The following RGS22 variants were observed in gnomAD, a reference collection of about 807,000 sequenced individuals.
The protein encoded by RGS22 is regulator of G protein signaling 22, also known as regulator of G-protein signaling 22.
In RGS22, 148 loss-of-function variants were observed where a neutral mutation model predicts 172.9. That is an observed-to-expected ratio of 0.86 (90% CI 0.75 to 0.98). The LOEUF is 0.98. Among genes scored for constraint, RGS22 ranks in the 50% least tolerant of loss-of-function variants. The probability of loss-of-function intolerance (pLI) is 0.00; values close to 1 mark genes in which losing one functional copy is unlikely to be tolerated. For missense variants in RGS22, 1,347 were observed against 1,440.8 expected, an observed-to-expected ratio of 0.93 and a Z score of 1.05; for synonymous variants, 458 against 480.2, an observed-to-expected ratio of 0.95 and a Z score of 0.60.
At chr8:99,999,237 C>T in intron 19 of RGS22, 25 bp downstream of exon 19, 1 of 1,602,178 alleles carries the variant, frequency 6.2e-7, no homozygotes, top group Non-Finnish European at 8.5e-7. Flanking sequence ...CAACTGCTAT[C>T]AAAAGATTAT....
intron 16 of RGS22, chr8:100,004,575 A>C (rs1815476806): frequency 6.5e-6 from 1 of 152,702 alleles, no homozygotes; most frequent in South Asian, 2.0e-4. Context: ...ATAAAAAGTG[A>C]AGATTAGATA....
intron 17 of RGS22, 50 bp downstream of exon 17, chr8:100,003,876 G>T: frequency 7.1e-7 from 1 of 1,417,980 alleles, no homozygotes; most frequent in Middle Eastern, 2.0e-4. Flanking sequence ...ATCAAAAATA[G>T]TAGCTTAGAA....
intron 14 of RGS22, among the ~76,000 whole-genome samples, chr8:100,032,231 T>TAA (rs1449389991): frequency 6.6e-6 from 1 of 151,628 alleles, no homozygotes; most frequent in Non-Finnish European, 1.5e-5. Flanking sequence ...GCAAATTGGA[T>TAA]AGAGTCAAGA....
chr8:100,048,716 C>T (rs1405679907), intron 10 of RGS22, among the ~76,000 whole-genome samples: 1 of 152,032 alleles, frequency 6.6e-6, no homozygotes, highest in African/African-American at 2.4e-5. Flanking sequence ...CATTAAACAA[C>T]ACTCTATAAA....
At chr8:100,011,985 G>A (rs946175739) in intron 14 of RGS22, among the ~76,000 whole-genome samples, 3 of 151,960 alleles carry the variant, frequency 2.0e-5, no homozygotes, top group Non-Finnish European at 4.4e-5. Context: ...AAGAACCTGA[G>A]AAATAGAAGT....
rs771273414 is a variant in RGS22 at position 100,063,835 on chromosome 8, T to C, written c.933A>G (p.Thr311=). The C allele has an allele frequency of 1.2e-6, 2 of 1,610,358 alleles. No homozygotes were observed. Among genetic ancestry groups the C allele is most frequent in the African/African-American group, 1.3e-5 (1 of 74,748 alleles). Residue 311 remains threonine, a synonymous_variant, in exon 8 of 28, where the codon ACA becomes ACG. Coordinates refer to ENST00000360863, the MANE Select transcript of RGS22 (RefSeq NM_015668.5). ...TATAGGAGCTTAAAAATTCTTCACA[T>C]GTTGAGAAATGCATTGTCAGGCTTT... The part of the protein sequence containing the change: ...VDESLTMHFS[T]CEEFLSSYIY...
At chr8:100,051,439 T>A (rs1237939734) in intron 10 of RGS22, among the ~76,000 whole-genome samples, 1 of 101,852 alleles carries the variant, frequency 9.8e-6, no homozygotes, top group East Asian at 2.4e-4. Context: ...TATATTTATA[T>A]ATTTATTTAT....
At chr8:100,020,419 G>A (rs17391663) in intron 14 of RGS22, among the ~76,000 whole-genome samples, 14,701 of 152,274 alleles carry the variant, frequency 0.097, 912 homozygotes, top group South Asian at 0.2. Context: ...AGGACCTGGT[G>A]ATTCTGGAGG....
chr8:100,045,025 G>A (rs1820566651), intron 11 of RGS22, among the ~76,000 whole-genome samples: 1 of 152,002 alleles, frequency 6.6e-6, no homozygotes, highest in Admixed American at 6.5e-5. Flanking sequence ...GCTCATGCCT[G>A]TAATCCCAGC....
chr8:99,989,695 A>G (rs1389023694), intron 20 of RGS22, among the ~76,000 whole-genome samples: 1 of 152,156 alleles, frequency 6.6e-6, no homozygotes, highest in Non-Finnish European at 1.5e-5. Context: ...ATTGCAAAAA[A>G]TAAGCCAGGT....
intron 3 of RGS22, among the ~76,000 whole-genome samples, chr8:100,081,782 A>G (rs1811780814): frequency 6.6e-6 from 1 of 152,178 alleles, no homozygotes; most frequent in Admixed American, 6.5e-5. Context: ...TTGGTAGAGA[A>G]TGACATCAAA....
rs1328650297 is a variant in RGS22 at position 100,059,446 on chromosome 8, G to A, written c.1514+3145C>T. Among the ~76,000 whole-genome samples, 5 of 149,942 alleles carry A rather than the reference G, an allele frequency of 3.3e-5. No individual in the cohort carries two copies. In the East Asian group the frequency reaches 9.8e-4, roughly 29 times the overall value. ...TAAAAATAAAGGGATGGAAAAACAT[G>A]TTCCATGTCAATGGAAACAAAAAAA... is the stretch of plus-strand genomic sequence containing the variant. On this transcript the variant is annotated intron_variant, in intron 9 of 27. Transcript: ENST00000360863.
intron 2 of RGS22, 48 bp downstream of exon 2, chr8:100,105,326 T>C: frequency 1.4e-6 from 2 of 1,473,478 alleles, no homozygotes; most frequent in African/African-American, 2.8e-5. Flanking sequence ...ATATTTGCTA[T>C]TTTTTTAAAG....
chr8:100,058,140 A>C (rs960549740), intron 9 of RGS22, among the ~76,000 whole-genome samples: 2 of 151,222 alleles, frequency 1.3e-5, no homozygotes, highest in African/African-American at 4.9e-5. Flanking sequence ...GTGAGCTTGA[A>C]GACAGGCTAT....
intron 11 of RGS22, among the ~76,000 whole-genome samples, chr8:100,044,796 G>A (rs1586102276): frequency 6.6e-6 from 1 of 152,010 alleles, no homozygotes; most frequent in East Asian, 1.9e-4. Flanking sequence ...GAAGTGTAAT[G>A]CTTCCTCGAT....
In RGS22 at chr8:100,051,671, ATATGTT is replaced by A. The variant is rs541383347; in HGVS notation, c.1689+1125_1689+1130del. On this transcript the variant is annotated intron_variant, in intron 10 of 27. Coordinates refer to ENST00000360863, the MANE Select transcript of RGS22 (RefSeq NM_015668.5). ...TATACATATATAAATATATATTTAT[ATATGTT>A]TATACATATATATATTTATATATAC... is the stretch of plus-strand genomic sequence containing the variant. Among the ~76,000 whole-genome samples, 163 of 40,188 alleles carry A rather than the reference ATATGTT, an allele frequency of 4.1e-3. 43 individuals carry two copies. The highest frequency in any genetic ancestry group is 0.019 in the African/African-American group (157 of 8,468). The allele number at this position is 40,188 out of a possible 152,430, so 26.4% of individuals were successfully genotyped here. A position where few individuals can be genotyped will look rare whatever the true frequency, so the allele number is the denominator to read the frequency against.
intron 14 of RGS22, among the ~76,000 whole-genome samples, chr8:100,035,766 TA>T (rs1258790291): frequency 6.6e-6 from 1 of 152,188 alleles, no homozygotes; most frequent in Non-Finnish European, 1.5e-5. Context: ...CACCATGGAA[TA>T]CTATGCAGCC....
chr8:99,987,486 A>G lies in RGS22; in HGVS notation c.3152T>C (p.Leu1051Pro), dbSNP rs1211155546. 12 of 1,610,918 alleles carry G rather than the reference A, an allele frequency of 7.4e-6. No homozygotes were observed. Among genetic ancestry groups the G allele is most frequent in the Non-Finnish European group, 8.5e-6 (10 of 1,178,278 alleles). ...LKGDLLENGLLFWQEVQKYKD... is the reference protein window; with the variant it reads ...LKGDLLENGLPFWQEVQKYKD... ...ATATTTTTGTACTTCTTGCCAAAAG[A>G]GTAAACCATTTTCCAATAAATCTCC... The change falls in exon 21 of 28, where the codon CTC (leucine) becomes CCC (proline). Residue 1051 changes from leucine (L) to proline (P), a missense_variant. Physicochemically the swap from Leu to Pro is moderately conservative, Grantham distance 98 (BLOSUM62 -3). Coordinates refer to ENST00000360863, the MANE Select transcript of RGS22 (RefSeq NM_015668.5).
intron 19 of RGS22, 149 bp from the exon 20 acceptor site, chr8:99,996,679 G>A: frequency 1.5e-6 from 1 of 686,906 alleles, no homozygotes; most frequent in Admixed American, 3.0e-5. Context: ...CTTAAAAATG[G>A]AAGCCCTGTG....
Sources: gnomAD v4.1 joint callset for allele counts (sites outside exome capture counted in the v4.1 genomes callset) on GRCh38, gnomAD v4.1.1 for gene constraint, MANE v1.5 for transcripts, NCBI Gene and HGNC (gene_info 2026-07-23, HGNC 2026-07-21) for gene names.